The following TMPRSS15 variants were observed in gnomAD, a reference collection of about 807,000 sequenced individuals.
TMPRSS15 encodes the protein transmembrane serine protease 15, also known as enteropeptidase.
A neutral mutation model predicts 125.3 loss-of-function variants in TMPRSS15; 128 were observed. The observed-to-expected ratio is 1.02, with a 90% CI of 0.89 to 1.18. TMPRSS15 has a LOEUF of 1.18. Among genes scored for constraint, TMPRSS15 ranks in the 50% most tolerant of loss-of-function variants. The pLI, the probability that TMPRSS15 is intolerant of heterozygous loss-of-function variation, is 0.00. For missense variants in TMPRSS15, 1,283 were observed against 1,212.7 expected (o/e 1.06, Z -0.86); for synonymous variants, 446 against 423.2 (o/e 1.05, Z -0.66).
At chr21:18,337,896 G>T (rs1250907973) in intron 13 of TMPRSS15, among the ~76,000 whole-genome samples, 1 of 152,162 alleles carries the variant, frequency 6.6e-6, no homozygotes, top group Non-Finnish European at 1.5e-5. Flanking sequence ...ACATTTGATG[G>T]TAATTAATGT....
At chr21:18,310,886 C>T (rs1008382068) in intron 18 of TMPRSS15, among the ~76,000 whole-genome samples, 2 of 147,358 alleles carry the variant, frequency 1.4e-5, no homozygotes, top group Admixed American at 1.4e-4. Context: ...GAATAGAGAA[C>T]AAGATAGAGA....
At chr21:18,311,150 G>A (rs1955487724) in intron 18 of TMPRSS15, among the ~76,000 whole-genome samples, 1 of 151,828 alleles carries the variant, frequency 6.6e-6, no homozygotes, top group South Asian at 2.1e-4. Context: ...AACATTGGGG[G>A]AAACACTCCA....
At position 18,342,473 on chromosome 21, in the gene TMPRSS15, C is replaced by T. The variant is rs373516440; in HGVS notation, c.1429-925G>A. 1.1e-4 allele frequency among the ~76,000 whole-genome samples: 16 copies of T among 152,326 alleles called. 1 individual carries two copies. In the East Asian group the frequency reaches 1.7e-3, roughly 17 times the overall value. On this transcript the variant is annotated intron_variant, in intron 12 of 24. Coordinates refer to ENST00000284885, the MANE Select transcript of TMPRSS15 (RefSeq NM_002772.3). ...ACAACAAAATGGCAAAGCCAAAGTGCACGTATCTGTAGAACTTGACTCTCT... is the reference window on the plus strand; with the variant it reads ...ACAACAAAATGGCAAAGCCAAAGTGTACGTATCTGTAGAACTTGACTCTCT...
rs1410624939 is a variant in TMPRSS15 at position 18,403,488 on chromosome 21, T to C, written c.135A>G (p.Glu45=). 6.2e-7 allele frequency: 1 copy of C among 1,614,188 alleles called. No individual in the cohort carries two copies. Among genetic ancestry groups the C allele is most frequent in the Non-Finnish European group, 8.5e-7 (1 of 1,180,016 alleles). The change falls in exon 1 of 25, where the codon GAA becomes GAG. Residue 45 remains glutamate (E), a synonymous_variant. Coordinates refer to ENST00000284885, the MANE Select transcript of TMPRSS15 (RefSeq NM_002772.3). The stretch of plus-strand genomic sequence containing the variant: ...CTCCATGTGACTTACCTCGTTGGGA[T>C]TCCTTGATTGTCAGGCAGGATACTG... ...LIAVSCLTIK[E]SQRGAALGQS...
chr21:18,367,732 A>G (rs2075752129), intron 6 of TMPRSS15, among the ~76,000 whole-genome samples: 1 of 152,182 alleles, frequency 6.6e-6, no homozygotes, highest in African/African-American at 2.4e-5. Flanking sequence ...GTCATTTTCT[A>G]AAGTTATTAT....
chr21:18,352,776 T>G, intron 10 of TMPRSS15, 127 bp downstream of exon 10: 1 of 976,548 alleles, frequency 1.0e-6, no homozygotes, highest in Non-Finnish European at 1.6e-6. Context: ...TTAATTGAAT[T>G]TTTAAAAAAC....
At chr21:18,396,068 G>A (rs868413998) in intron 3 of TMPRSS15, among the ~76,000 whole-genome samples, 17 of 152,240 alleles carry the variant, frequency 1.1e-4, no homozygotes, top group Admixed American at 3.3e-4. Flanking sequence ...ATGGCCAGCT[G>A]TAACTAAAGA....
chr21:18,433,700 T>C (rs1161869540), intron 1 of TMPRSS15, among the ~76,000 whole-genome samples: 1 of 142,674 alleles, frequency 7.0e-6, no homozygotes, highest in African/African-American at 2.6e-5. Context: ...AATAACATAG[T>C]TTGAGGATAT....
At chr21:18,308,809 T>C (rs1173896234) in intron 18 of TMPRSS15, among the ~76,000 whole-genome samples, 1 of 152,202 alleles carries the variant, frequency 6.6e-6, no homozygotes, top group Non-Finnish European at 1.5e-5. Context: ...TTCTCATTGT[T>C]CAACTCCCAC....
intron 1 of TMPRSS15, among the ~76,000 whole-genome samples, chr21:18,413,282 T>G (rs2076171037): frequency 7.7e-6 from 1 of 129,116 alleles, no homozygotes; most frequent in Non-Finnish European, 1.6e-5. Context: ...CTTTTTCTTT[T>G]TCTTTCTTTC....
At chr21:18,306,425 C>A (rs529893680) in intron 18 of TMPRSS15, among the ~76,000 whole-genome samples, 2 of 152,136 alleles carry the variant, frequency 1.3e-5, no homozygotes, top group South Asian at 4.1e-4. Context: ...TCTCTTCCCC[C>A]AGTATTTTCA....
At chr21:18,341,252 G>T (rs1167676696) in intron 13 of TMPRSS15, among the ~76,000 whole-genome samples, 161 bp downstream of exon 13, 1 of 152,032 alleles carries the variant, frequency 6.6e-6, no homozygotes, top group Admixed American at 6.5e-5. Context: ...GTTTTGTTTT[G>T]TAGAGACAGA....
At chr21:18,369,447 C>A (rs887516989) in intron 6 of TMPRSS15, among the ~76,000 whole-genome samples, 2 of 152,130 alleles carry the variant, frequency 1.3e-5, no homozygotes, top group Non-Finnish European at 2.9e-5. Flanking sequence ...AAAAAGTGAA[C>A]TTTCCTGCTG....
intron 1 of TMPRSS15, among the ~76,000 whole-genome samples, chr21:18,471,171 G>A (rs1024443563): frequency 3.9e-5 from 6 of 151,996 alleles, no homozygotes; most frequent in African/African-American, 1.4e-4. Context: ...GTTGCAAGAT[G>A]TCTCTAAAAG....
chr21:18,395,466 A>C (rs978953522), intron 3 of TMPRSS15, among the ~76,000 whole-genome samples: 5 of 152,176 alleles, frequency 3.3e-5, no homozygotes, highest in African/African-American at 9.6e-5. Context: ...ACACAAGTAC[A>C]TGGTAGTAAT....
Position 18,341,658 on chromosome 21 carries a change from T to A in TMPRSS15, c.1429-110A>T, listed in dbSNP as rs115140011. The A allele has an allele frequency of 4.5e-3, 5,408 of 1,199,474 alleles. 164 individuals are homozygous for A. The African/African-American group carries it at 0.065, about 14-fold the overall frequency. The allele number at this position is 1,199,474 out of a possible 1,614,324, so 74.3% of individuals were successfully genotyped here. ...AATATTGTCTAGAGATTCAATATTG[T>A]CACCTTGAACTATATGGTGACCGTT... is the stretch of plus-strand genomic sequence containing the variant. On this transcript the variant is annotated intron_variant, in intron 12 of 24. Transcript: ENST00000284885.
rs577220123 is a variant in TMPRSS15, at chr21:18,442,316, G to GT, written c.10+43482dup. Among the ~76,000 whole-genome samples, 8 of 152,202 alleles carry GT rather than the reference G, an allele frequency of 5.3e-5. No homozygotes were observed. In the South Asian group the frequency reaches 1.7e-3, roughly 32 times the overall value. ...AGCTTTTGGCATGGATGGGCTTGAC[G>GT]TATTTGCTAGCAGATTATCTACTAT... On this transcript the variant is annotated intron_variant, in intron 1 of 7. Transcript: ENST00000422787.
chr21:18,397,787 C>A (rs959257008), intron 3 of TMPRSS15, 92 bp downstream of exon 3: 42 of 655,880 alleles, frequency 6.4e-5, no homozygotes, highest in Non-Finnish European at 8.8e-5. Flanking sequence ...TTAAATATTC[C>A]TCTTTTCCTA....
rs918356047 is a variant in TMPRSS15 at position 18,381,910 on chromosome 21, A to T, written c.496+1717T>A. Among the ~76,000 whole-genome samples the T allele has an allele frequency of 6.4e-4, 98 of 152,146 alleles. 1 individual carries two copies. Among genetic ancestry groups the T allele is most frequent in the Non-Finnish European group, 3.5e-4 (24 of 67,972 alleles). On this transcript the variant is annotated intron_variant, in intron 4 of 24. Coordinates refer to ENST00000284885, the MANE Select transcript of TMPRSS15 (RefSeq NM_002772.3). ...TAATAACTGGGTGATAAAATAATCT[A>T]TACAACAAACTCCCATGACACAAGT...
Sources: gnomAD v4.1 joint callset for allele counts (sites outside exome capture counted in the v4.1 genomes callset) on GRCh38, gnomAD v4.1.1 for gene constraint, MANE v1.5 for transcripts, NCBI Gene and HGNC (gene_info 2026-07-23, HGNC 2026-07-21) for gene names.